Variants in SAMM50 observed in about 807,000 individuals in gnomAD.
SAMM50 encodes sorting and assembly machinery component 50 homolog.
A neutral mutation model predicts 66.9 loss-of-function variants in SAMM50; 47 were observed. The ratio of observed to expected loss-of-function variants is 0.70; its 90% CI spans 0.56 to 0.90. SAMM50 has a LOEUF of 0.90. Among genes scored for constraint, SAMM50 ranks in the 40% least tolerant of loss-of-function variants. The pLI is 0.00. For synonymous variants in SAMM50, 191 were observed against 214.1 expected (o/e 0.89, Z 0.94); for missense variants, 535 against 595.3 (o/e 0.90, Z 1.05).
intron 9 of SAMM50, among the ~76,000 whole-genome samples, chr22:43,977,663 G>T (rs1047649246): frequency 6.6e-6 from 1 of 152,202 alleles, no homozygotes; most frequent in African/African-American, 2.4e-5. Context: ...GGCAGCCTCT[G>T]CACCTCTTGG....
intron 10 of SAMM50, among the ~76,000 whole-genome samples, chr22:43,980,793 G>C (rs1436699253): frequency 2.0e-5 from 3 of 152,208 alleles, no homozygotes; most frequent in Non-Finnish European, 4.4e-5. Context: ...GGGTGCAGGG[G>C]AGCAGGAGAG....
intron 14 of SAMM50, among the ~76,000 whole-genome samples, chr22:43,991,701 C>G (rs2050325868): frequency 6.6e-6 from 1 of 152,236 alleles, no homozygotes; most frequent in African/African-American, 2.4e-5. Context: ...TCTGCCAGTT[C>G]TGGAGGTTGG....
Position 43,990,383 on chromosome 22 carries a change from C to T in SAMM50, c.1341C>T (p.Pro447=), listed in dbSNP as rs2050317320. 1 of 1,614,066 alleles carries T rather than the reference C, an allele frequency of 6.2e-7. No homozygotes were observed. Among genetic ancestry groups the T allele is most frequent in the Non-Finnish European group, 8.5e-7 (1 of 1,180,030 alleles). Residue 447 remains proline (P), a synonymous_variant, in exon 14 of 15, where the codon CCC becomes CCT. Coordinates refer to ENST00000350028, the MANE Select transcript of SAMM50 (RefSeq NM_015380.5). ...GGTTGGAACTTAATTACTGCGTCCCCATGGGAGTACAGACAGGCGACAGGT... is the reference window on the plus strand; with the variant it reads ...GGTTGGAACTTAATTACTGCGTCCCTATGGGAGTACAGACAGGCGACAGGT... ...IARLELNYCV[P]MGVQTGDRIC... is the part of the protein sequence containing the mutation.
chr22:43,967,119 TA>T (rs1361755141), intron 3 of SAMM50, among the ~76,000 whole-genome samples: 1 of 152,194 alleles, frequency 6.6e-6, no homozygotes, highest in African/African-American at 2.4e-5. Flanking sequence ...TGAGCATCCT[TA>T]AGTGTTGCTT....
chr22:43,968,375 C>T (rs750479841), intron 3 of SAMM50, among the ~76,000 whole-genome samples: 8 of 151,946 alleles, frequency 5.3e-5, no homozygotes, highest in South Asian at 4.1e-4. Flanking sequence ...TGCAGACACA[C>T]GTGTCTTTCT....
chr22:43,992,334 C>T lies in SAMM50; in HGVS notation c.1364+1928C>T, dbSNP rs959638699. Among the ~76,000 whole-genome samples the T allele has an allele frequency of 3.9e-5, 6 of 152,266 alleles. No individual in the cohort carries two copies. The South Asian group carries it at 6.2e-4, about 16-fold the overall frequency. On this transcript the variant is annotated intron_variant, in intron 14 of 14. Transcript: ENST00000350028. ...GCTTCAGCGGAATCTGCTCCTTACA[C>T]TCTTGCCAGAAGGCCCTTCAGCATC...
chr22:43,990,448 C>T, intron 14 of SAMM50, 42 bp downstream of exon 14: 1 of 1,586,980 alleles, frequency 6.3e-7, no homozygotes, highest in Non-Finnish European at 8.6e-7. Context: ...ATCCCACTCT[C>T]CAGTAATTTT....
chr22:43,977,121 G>A (rs2050236699), intron 9 of SAMM50, among the ~76,000 whole-genome samples: 1 of 152,198 alleles, frequency 6.6e-6, no homozygotes, highest in Non-Finnish European at 1.5e-5. Context: ...GGTGTTACCT[G>A]GGAGAGAGTG....
chr22:43,955,665 G>T, intron 1 of SAMM50, 67 bp downstream of exon 1: 2 of 1,501,676 alleles, frequency 1.3e-6, no homozygotes, highest in South Asian at 1.2e-5. Flanking sequence ...GCGCCGCGGG[G>T]AGACGCTCTC....
At chr22:43,994,692 G>A (rs181971401) in intron 14 of SAMM50, among the ~76,000 whole-genome samples, 25 of 152,276 alleles carry the variant, frequency 1.6e-4, no homozygotes, top group African/African-American at 5.5e-4. Flanking sequence ...AGAGAGCGTG[G>A]GGTGCACAGC....
At chr22:43,994,795 G>C (rs772193903) in intron 14 of SAMM50, among the ~76,000 whole-genome samples, 1 of 152,236 alleles carries the variant, frequency 6.6e-6, no homozygotes, top group South Asian at 2.1e-4. Context: ...AATGTTTGCA[G>C]TGGGTATTTT....
chr22:43,983,954 A>G lies in SAMM50; in HGVS notation c.1029A>G (p.Thr343=), dbSNP rs1021707190. ...CTAGGTTTTACCTTGGGGGACCCAC[A>G]AGCATCCGCGGATTCAGCATGCACA... is the stretch of plus-strand genomic sequence containing the variant. ...IADRFYLGGP[T]SIRGFSMHSI... Residue 343 remains threonine, a synonymous_variant, in exon 12 of 15, where the codon ACA becomes ACG. Coordinates refer to ENST00000350028, the MANE Select transcript of SAMM50 (RefSeq NM_015380.5). This position sits in a 1 kb window ranked among gnomAD's most constrained non-coding sequence, Gnocchi z 4.2. 1.9e-6 allele frequency: 3 copies of G among 1,611,262 alleles called. 1 individual carries two copies. The South Asian group carries it at 3.3e-5, about 18-fold the overall frequency.
At chr22:43,973,526 T>C (rs1394591209) in intron 7 of SAMM50, among the ~76,000 whole-genome samples, 3 of 152,208 alleles carry the variant, frequency 2.0e-5, no homozygotes, top group Non-Finnish European at 2.9e-5. Flanking sequence ...TGTTAGCAGC[T>C]CCTTAACCTG....
intron 10 of SAMM50, among the ~76,000 whole-genome samples, chr22:43,980,773 C>T (rs909266495): frequency 2.0e-5 from 3 of 152,166 alleles, no homozygotes; most frequent in South Asian, 2.1e-4. Context: ...GCCAGCCGCC[C>T]GAAAACATGG....
chr22:43,973,143 C>G, intron 6 of SAMM50, 93 bp from the exon 7 acceptor site: 1 of 1,324,534 alleles, frequency 7.5e-7, no homozygotes, highest in Non-Finnish European at 1.1e-6. Context: ...TGAAGATGAG[C>G]CCTACGGGCG....
chr22:43,976,756 A>G lies in SAMM50; in HGVS notation c.784A>G (p.Met262Val), dbSNP rs138855728. The G allele has an allele frequency of 9.3e-5, 150 of 1,610,936 alleles. No homozygotes were observed. The African/African-American group carries it at 1.6e-3, about 17-fold the overall frequency. Residue 262 changes from methionine to valine, a missense_variant, in exon 9 of 15, where the codon ATG becomes GTG. Coordinates refer to ENST00000350028, the MANE Select transcript of SAMM50 (RefSeq NM_015380.5). ...HSLKSSLSHA[M>V]VIDSRNSSIL... Reference sequence around the variant, plus strand: ...CCATTCAAATTTCTTTCAGCACGCCATGGTCATCGATTCTCGGAATTCTTC... The same window carrying G: ...CCATTCAAATTTCTTTCAGCACGCCGTGGTCATCGATTCTCGGAATTCTTC...
Position 43,958,998 on chromosome 22 carries a change from A to G in SAMM50, c.21+3400A>G, listed in dbSNP as rs2050134553. Among the ~76,000 whole-genome samples, 5 of 145,684 alleles carry G rather than the reference A, an allele frequency of 3.4e-5. No homozygotes were observed. The South Asian group carries it at 8.8e-4, about 26-fold the overall frequency. ...CAATAATACTTAATATGTGTTATGT[A>G]TTGTTATATTTTCAGTTTTCTTTTT... On this transcript the variant is annotated intron_variant, in intron 1 of 14. Transcript: ENST00000350028.
chr22:43,978,296 G>C (rs1176215134), intron 10 of SAMM50, among the ~76,000 whole-genome samples: 2 of 151,820 alleles, frequency 1.3e-5, no homozygotes, highest in Non-Finnish European at 2.9e-5. Flanking sequence ...TTAGCCGGGC[G>C]TGGTGGTGGG....
chr22:43,959,616 G>A (rs2146804720), intron 1 of SAMM50, among the ~76,000 whole-genome samples: 1 of 151,040 alleles, frequency 6.6e-6, no homozygotes, highest in East Asian at 1.9e-4. Flanking sequence ...TGATCCTCCT[G>A]CCTTGGCCTC....
Sources: gnomAD v4.1 joint callset for allele counts (sites outside exome capture counted in the v4.1 genomes callset) on GRCh38, gnomAD v4.1.1 for gene constraint, Gnocchi (gnomAD v3.1) non-coding constraint, MANE v1.5 for transcripts, NCBI Gene and HGNC (gene_info 2026-07-23, HGNC 2026-07-21) for gene names.